Variants in ADORA1 observed in about 807,000 individuals in gnomAD.
ADORA1 encodes adenosine receptor A1.
ADORA1 carries 6 observed loss-of-function variants against 19.9 expected under a neutral mutation model. That is an observed-to-expected ratio of 0.30 (90% CI 0.17 to 0.59). The LOEUF is 0.59. ADORA1 is among the 20% of genes least tolerant of loss of function. ADORA1 has a pLI of 0.87. For synonymous variants in ADORA1, 194 were observed against 188.4 expected, an observed-to-expected ratio of 1.03 and a Z score of -0.24; for missense variants, 302 against 439.2, an observed-to-expected ratio of 0.69 and a Z score of 2.79.
At chr1:203,155,462 C>G (rs956670737) in intron 3 of ADORA1, among the ~76,000 whole-genome samples, 1 of 152,230 alleles carries the variant, frequency 6.6e-6, no homozygotes, top group Admixed American at 6.5e-5. Context: ...GGCCACCCCT[C>G]TGTGCACAGT....
At chr1:203,151,792 T>G (rs199605369) in intron 3 of ADORA1, among the ~76,000 whole-genome samples, 3 of 66,086 alleles carry the variant, frequency 4.5e-5, no homozygotes, top group Admixed American at 2.0e-4. Flanking sequence ...ATGCATGCAT[T>G]CATTCATTCA....
chr1:203,151,387 C>G (rs577027858), intron 3 of ADORA1, among the ~76,000 whole-genome samples: 2 of 152,098 alleles, frequency 1.3e-5, no homozygotes, highest in African/African-American at 4.8e-5. Context: ...CCGTTCTGTA[C>G]GAAGGTTGAA....
intron 3 of ADORA1, among the ~76,000 whole-genome samples, chr1:203,155,732 G>A (rs1173128356): frequency 6.6e-6 from 1 of 152,202 alleles, no homozygotes; most frequent in African/African-American, 2.4e-5. Flanking sequence ...TGGCCTGGTG[G>A]CAGTTTCTCA....
At chr1:203,137,219 G>T (rs952681091) in intron 3 of ADORA1, among the ~76,000 whole-genome samples, 5 of 152,184 alleles carry the variant, frequency 3.3e-5, no homozygotes, top group African/African-American at 7.2e-5. Context: ...GATATAGGGA[G>T]GGCATGCCAT....
chr1:203,144,028 T>G (rs902098962), intron 3 of ADORA1, among the ~76,000 whole-genome samples: 3 of 150,922 alleles, frequency 2.0e-5, no homozygotes, highest in Non-Finnish European at 4.4e-5. Context: ...TTAACCTGTC[T>G]AGGAGTTACG....
chr1:203,149,023 GCA>G (rs1654949468), intron 3 of ADORA1, among the ~76,000 whole-genome samples: 1 of 152,066 alleles, frequency 6.6e-6, no homozygotes, highest in Non-Finnish European at 1.5e-5. Flanking sequence ...GACTACAGGT[GCA>G]TGCCACCAAG....
chr1:203,134,439 T>C (rs1294750571), intron 3 of ADORA1, among the ~76,000 whole-genome samples: 1 of 152,154 alleles, frequency 6.6e-6, no homozygotes, highest in Admixed American at 6.5e-5. Context: ...CCAAGCAGCT[T>C]GCTGGGCCAA....
chr1:203,155,055 A>G (rs532765970), intron 3 of ADORA1, among the ~76,000 whole-genome samples: 99 of 141,670 alleles, frequency 7.0e-4, no homozygotes, highest in South Asian at 2.6e-3. Context: ...TATTATTATT[A>G]TTGTTATTTT....
At chr1:203,134,476 G>A (rs1322272482) in intron 3 of ADORA1, among the ~76,000 whole-genome samples, 2 of 152,138 alleles carry the variant, frequency 1.3e-5, no homozygotes, top group Non-Finnish European at 2.9e-5. Context: ...TAATTGAAGA[G>A]GCATCTGGAC....
chr1:203,162,287 C>T (rs910020079), intron 3 of ADORA1, among the ~76,000 whole-genome samples: 4 of 152,178 alleles, frequency 2.6e-5, no homozygotes, highest in African/African-American at 9.7e-5. Flanking sequence ...AGCTGATACC[C>T]TAAGCTGCAG....
intron 3 of ADORA1, among the ~76,000 whole-genome samples, chr1:203,153,613 C>T (rs1655105249): frequency 6.6e-6 from 1 of 152,126 alleles, no homozygotes; most frequent in African/African-American, 2.4e-5. Flanking sequence ...TTGGTGGGCA[C>T]TGATGTTTTA....
chr1:203,144,038 G>A (rs1254353758), intron 3 of ADORA1, among the ~76,000 whole-genome samples: 3 of 141,478 alleles, frequency 2.1e-5, no homozygotes, highest in Admixed American at 7.3e-5. Flanking sequence ...TAGGAGTTAC[G>A]GAAAATGATA....
At chr1:203,163,305 C>A (rs1047508311) in intron 3 of ADORA1, among the ~76,000 whole-genome samples, 1 of 152,176 alleles carries the variant, frequency 6.6e-6, no homozygotes, top group Non-Finnish European at 1.5e-5. Context: ...TGAAGTAGGT[C>A]TCTTTTACAG....
At chr1:203,143,932 C>T (rs563464072) in intron 3 of ADORA1, among the ~76,000 whole-genome samples, 1 of 152,328 alleles carries the variant, frequency 6.6e-6, no homozygotes, top group Non-Finnish European at 1.5e-5. Flanking sequence ...AGCACGAGGC[C>T]ACCTCCCCGG....
Position 203,165,486 on chromosome 1 carries a change from G to T in ADORA1, c.567G>T (p.Val189=). The T allele has an allele frequency of 6.2e-7, 1 of 1,613,220 alleles. No homozygotes were observed. The highest frequency in any genetic ancestry group is 8.5e-7 in the Non-Finnish European group (1 of 1,179,378). The change falls in exon 4 of 4, where the codon GTG becomes GTT. Residue 189 remains valine (V), a synonymous_variant. Transcript: ENST00000337894. This position sits in a 1 kb window ranked among gnomAD's most constrained non-coding sequence, Gnocchi z 5.9. Reference sequence around the variant, plus strand: ...TCTACTTCAACTTCTTTGTGTGGGTGCTGCCCCCGCTTCTCCTCATGGTCC... The same window carrying T: ...TCTACTTCAACTTCTTTGTGTGGGTTCTGCCCCCGCTTCTCCTCATGGTCC... ...YMVYFNFFVW[V]LPPLLLMVLI... is the part of the protein sequence containing the mutation.
intron 3 of ADORA1, among the ~76,000 whole-genome samples, chr1:203,155,016 T>TTTATTATTATTA (rs4020534): frequency 6.3e-4 from 89 of 142,356 alleles, no homozygotes; most frequent in East Asian, 1.5e-3. Flanking sequence ...GCTCTTCCTA[T>TTTATTATTATTA]TTATTATTAT....
chr1:203,144,455 G>A (rs759771655), intron 3 of ADORA1, among the ~76,000 whole-genome samples: 1 of 152,150 alleles, frequency 6.6e-6, no homozygotes, highest in Non-Finnish European at 1.5e-5. Context: ...TGAAATCCTT[G>A]TGCAATTTTA....
At chr1:203,146,160 CA>C (rs575923407) in intron 3 of ADORA1, among the ~76,000 whole-genome samples, 78 of 148,292 alleles carry the variant, frequency 5.3e-4, no homozygotes, top group African/African-American at 1.7e-3. Context: ...TCCTCAGTGT[CA>C]GGGGTGGGGG....
At chr1:203,146,474 T>A (rs1654861351) in intron 3 of ADORA1, among the ~76,000 whole-genome samples, 1 of 151,768 alleles carries the variant, frequency 6.6e-6, no homozygotes, top group Non-Finnish European at 1.5e-5. Context: ...AAAATAATTT[T>A]AAAAATTAGC....
Sources: gnomAD v4.1 joint callset for allele counts (sites outside exome capture counted in the v4.1 genomes callset) on GRCh38, gnomAD v4.1.1 for gene constraint, Gnocchi (gnomAD v3.1) non-coding constraint, MANE v1.5 for transcripts, NCBI Gene and HGNC (gene_info 2026-07-23, HGNC 2026-07-21) for gene names.